Variants in GRIP1 observed in about 807,000 individuals in gnomAD.
GRIP1 encodes the protein glutamate receptor interacting protein 1.
A neutral mutation model predicts 129.9 loss-of-function variants in GRIP1; 45 were observed. That is an observed-to-expected ratio of 0.35 (90% CI 0.27 to 0.44). The LOEUF is 0.44. GRIP1 is among the 20% of genes least tolerant of loss of function. The pLI, the probability that GRIP1 is intolerant of heterozygous loss-of-function variation, is 1.00. For missense variants in GRIP1, 1,196 were observed against 1,396.8 expected, an observed-to-expected ratio of 0.86 and a Z score of 2.29; for synonymous variants, 530 against 520.8, an observed-to-expected ratio of 1.02 and a Z score of -0.24.
At chr12:66,450,303 C>CAAAAAAAA (rs143013040) in intron 11 of GRIP1, among the ~76,000 whole-genome samples, 26 of 26,816 alleles carry the variant, frequency 9.7e-4, no homozygotes, top group South Asian at 3.0e-3. Flanking sequence ...GACTCCATCT[C>CAAAAAAAA]AAAAAAAAAA....
chr12:66,576,608 C>T lies in GRIP1; in HGVS notation c.136+20239G>A, dbSNP rs185874484. Among the ~76,000 whole-genome samples the T allele has an allele frequency of 4.3e-4, 65 of 152,292 alleles. 1 individual carries two copies. The highest frequency in any genetic ancestry group is 1.3e-3 in the African/African-American group (54 of 41,574). Reference sequence around the variant, plus strand: ...GGTAGACTTGGACAAGTTACCTAAGCCTCTGTGAGCCTTAATTTCTTCCTC... The same window carrying T: ...GGTAGACTTGGACAAGTTACCTAAGTCTCTGTGAGCCTTAATTTCTTCCTC... On this transcript the variant is annotated intron_variant, in intron 2 of 24. Transcript: ENST00000359742.
chr12:67,007,162 G>A (rs897488251), intron 1 of GRIP1, among the ~76,000 whole-genome samples: 3 of 151,948 alleles, frequency 2.0e-5, no homozygotes, highest in Non-Finnish European at 4.4e-5. Flanking sequence ...GAGGGTAGAG[G>A]GATAAAAAGT....
intron 2 of GRIP1, among the ~76,000 whole-genome samples, chr12:66,595,435 A>G (rs943900926): frequency 6.6e-6 from 1 of 152,228 alleles, no homozygotes; most frequent in Admixed American, 6.5e-5. Context: ...TTAGTATCCC[A>G]TAGAGTTGTA....
chr12:66,859,514 ACT>A (rs1488505463), intron 1 of GRIP1, among the ~76,000 whole-genome samples: 1 of 151,982 alleles, frequency 6.6e-6, no homozygotes, highest in African/African-American at 2.4e-5. Context: ...AAAAAAAGTG[ACT>A]CTGAATAAAA....
At chr12:66,358,637 C>G (rs965894431) in intron 23 of GRIP1, among the ~76,000 whole-genome samples, 3 of 151,984 alleles carry the variant, frequency 2.0e-5, no homozygotes, top group Admixed American at 6.6e-5. Context: ...TTAGCAGAGA[C>G]AGGGTTTCGC....
At chr12:66,969,013 G>A (rs956979355) in intron 1 of GRIP1, among the ~76,000 whole-genome samples, 2 of 151,862 alleles carry the variant, frequency 1.3e-5, no homozygotes, top group African/African-American at 4.8e-5. Context: ...AGTTGATGAG[G>A]GTTTATTTTT....
At chr12:66,938,871 T>A (rs934799839) in intron 1 of GRIP1, among the ~76,000 whole-genome samples, 1 of 151,984 alleles carries the variant, frequency 6.6e-6, no homozygotes, top group Non-Finnish European at 1.5e-5. Context: ...GCAGGAGAAT[T>A]GCTTGAACCT....
chr12:66,913,684 G>A (rs1310881899), intron 1 of GRIP1, among the ~76,000 whole-genome samples: 2 of 152,130 alleles, frequency 1.3e-5, no homozygotes, highest in Non-Finnish European at 2.9e-5. Flanking sequence ...ATAATCAGCT[G>A]CTTCCTGGAG....
intron 1 of GRIP1, among the ~76,000 whole-genome samples, chr12:66,814,349 T>C: frequency 6.6e-6 from 1 of 152,114 alleles, no homozygotes; most frequent in Middle Eastern, 3.2e-3. Flanking sequence ...TGTATTGTTA[T>C]TGATAATAAG....
At chr12:66,759,693 C>T (rs1024648621) in intron 1 of GRIP1, among the ~76,000 whole-genome samples, 1 of 152,184 alleles carries the variant, frequency 6.6e-6, no homozygotes, top group Non-Finnish European at 1.5e-5. Flanking sequence ...TAAATCATCT[C>T]TCTCAAGTTC....
At chr12:66,664,933 T>C (rs947332662) in intron 1 of GRIP1, among the ~76,000 whole-genome samples, 13 of 152,208 alleles carry the variant, frequency 8.5e-5, no homozygotes, top group African/African-American at 2.9e-4. Flanking sequence ...ATAGGAATTT[T>C]TTTTTCTTTT....
chr12:66,526,428 A>G (rs1187388871), intron 5 of GRIP1, among the ~76,000 whole-genome samples: 2 of 152,180 alleles, frequency 1.3e-5, no homozygotes, highest in African/African-American at 4.8e-5. Flanking sequence ...AGAAATGGGG[A>G]AAGGATTCCC....
At chr12:66,883,443 G>A (rs1234760868) in intron 1 of GRIP1, among the ~76,000 whole-genome samples, 5 of 152,112 alleles carry the variant, frequency 3.3e-5, no homozygotes, top group Non-Finnish European at 7.3e-5. Context: ...AATATAAGTA[G>A]AGAGGGACTG....
At chr12:66,923,672 T>C (rs927264347) in intron 1 of GRIP1, among the ~76,000 whole-genome samples, 15 of 152,158 alleles carry the variant, frequency 9.9e-5, no homozygotes, top group African/African-American at 2.4e-5. Flanking sequence ...AAGAACCCAG[T>C]TCCAGATTCA....
chr12:66,393,877 T>C (rs939492268), intron 17 of GRIP1, among the ~76,000 whole-genome samples: 2 of 152,134 alleles, frequency 1.3e-5, no homozygotes, highest in African/African-American at 2.4e-5. Flanking sequence ...CTGAATGAAA[T>C]TGGACAAGCT....
intron 1 of GRIP1, among the ~76,000 whole-genome samples, chr12:66,662,812 C>G (rs77035606): frequency 8.7e-4 from 132 of 152,188 alleles, no homozygotes; most frequent in African/African-American, 3.1e-3. Context: ...TTTCCACTGT[C>G]GATTACTGCT....
At chr12:67,059,598 C>A (rs1361784980) in intron 1 of GRIP1, among the ~76,000 whole-genome samples, 1 of 152,200 alleles carries the variant, frequency 6.6e-6, no homozygotes, top group African/African-American at 2.4e-5. Flanking sequence ...CTAATGTGTT[C>A]TTAATTGACA....
intron 2 of GRIP1, among the ~76,000 whole-genome samples, chr12:66,589,067 T>C (rs1460153764): frequency 6.6e-6 from 1 of 152,014 alleles, no homozygotes; most frequent in Non-Finnish European, 1.5e-5. Context: ...ATAAAACTTA[T>C]TTTCCCCCGG....
chr12:66,482,375 A>G (rs1015598976), intron 7 of GRIP1, among the ~76,000 whole-genome samples: 2 of 152,194 alleles, frequency 1.3e-5, no homozygotes, highest in Admixed American at 1.3e-4. Context: ...AATGTTTCTC[A>G]TTTGACTTTA....
Sources: gnomAD v4.1 joint callset for allele counts (sites outside exome capture counted in the v4.1 genomes callset) on GRCh38, gnomAD v4.1.1 for gene constraint, MANE v1.5 for transcripts, NCBI Gene and HGNC (gene_info 2026-07-23, HGNC 2026-07-21) for gene names.